Variants in DCC observed in about 807,000 individuals in gnomAD.
DCC encodes netrin receptor DCC.
In DCC, 58 loss-of-function variants were observed where a neutral mutation model predicts 172.5. The observed-to-expected ratio is 0.34, with a 90% confidence interval of 0.27 to 0.42. The LOEUF is 0.42. DCC is among the 10% of genes least tolerant of loss of function. The probability of loss-of-function intolerance (pLI) is 1.00; values close to 1 mark genes in which losing one functional copy is unlikely to be tolerated. For missense variants in DCC, 1,740 were observed against 1,791.0 expected (o/e 0.97, Z 0.51); for synonymous variants, 709 against 644.5 (o/e 1.10, Z -1.52).
At chr18:52,868,027 A>ATG (rs35361097) in intron 2 of DCC, among the ~76,000 whole-genome samples, 13,953 of 119,134 alleles carry the variant, frequency 0.12, 793 homozygotes, top group Non-Finnish European at 0.16. Context: ...TAATATGTGT[A>ATG]TGTGTGTATA....
intron 1 of DCC, among the ~76,000 whole-genome samples, chr18:52,666,827 T>C (rs2035465780): frequency 6.6e-6 from 1 of 152,238 alleles, no homozygotes; most frequent in Admixed American, 6.5e-5. Context: ...TTACCTCTGC[T>C]TATAATTTGA....
chr18:53,137,466 T>A (rs865781637), intron 7 of DCC, among the ~76,000 whole-genome samples: 8 of 152,352 alleles, frequency 5.3e-5, no homozygotes, highest in Middle Eastern at 3.4e-3. Flanking sequence ...TTCTTTGGGA[T>A]CAGCAGAAGC....
chr18:52,709,947 C>A (rs776173004), intron 1 of DCC, among the ~76,000 whole-genome samples: 1 of 152,098 alleles, frequency 6.6e-6, no homozygotes, highest in Non-Finnish European at 1.5e-5. Flanking sequence ...AGAAACAATG[C>A]ATTTGTTGTC....
At chr18:52,923,496 C>A (rs1425317771) in intron 3 of DCC, among the ~76,000 whole-genome samples, 1 of 152,072 alleles carries the variant, frequency 6.6e-6, no homozygotes. Flanking sequence ...CAAGCTGATG[C>A]CCTATACCAT....
intron 1 of DCC, chr18:52,409,134 A>T (rs1039136085): frequency 6.6e-6 from 1 of 152,152 alleles, no homozygotes; most frequent in South Asian, 2.1e-4. Flanking sequence ...TTACAACAGC[A>T]GTTCGTACAT....
intron 1 of DCC, among the ~76,000 whole-genome samples, chr18:52,663,436 G>T (rs2035401316): frequency 6.6e-6 from 1 of 152,142 alleles, no homozygotes; most frequent in South Asian, 2.1e-4. Context: ...GTGGCTCCAG[G>T]AGGAGTGTTG....
At chr18:52,343,405 A>G (rs1446146289) in intron 1 of DCC, among the ~76,000 whole-genome samples, 3 of 152,214 alleles carry the variant, frequency 2.0e-5, no homozygotes, top group Non-Finnish European at 4.4e-5. Flanking sequence ...AGACTAGCAC[A>G]ATAGCACTGG....
In DCC at chr18:53,023,401, C is replaced by CAAAAAAA. The variant is rs869070422; in HGVS notation, c.986-39882_986-39876dup. Among the ~76,000 whole-genome samples the CAAAAAAA allele has an allele frequency of 5.1e-3, 125 of 24,404 alleles. 21 individuals carry two copies. The highest frequency in any genetic ancestry group is 8.0e-3 in the East Asian group (4 of 502). The allele number at this position is 24,404 out of a possible 152,430, so 16.0% of individuals were successfully genotyped here. A position where few individuals can be genotyped will look rare whatever the true frequency, so the allele number is the denominator to read the frequency against. On this transcript the variant is annotated intron_variant, in intron 5 of 28. Transcript: ENST00000442544. Reference sequence around the variant, plus strand: ...GGACAAACACATATATAACTCAGACCAAAAAAAAAAAAAAAAAAAAAAAAA... The same window carrying CAAAAAAA: ...GGACAAACACATATATAACTCAGACCAAAAAAAAAAAAAAAAAAAAAAAAAAAAAAAA...
chr18:53,401,342 T>G lies in DCC; in HGVS notation c.2828-1444T>G, dbSNP rs1193370820. ...TCTCCATCCATCCCTTCTTCTTTTT[T>G]GAAAATGTGAATATATTAAGTACAT... On this transcript the variant is annotated intron_variant, in intron 18 of 28. Coordinates refer to ENST00000442544, the MANE Select transcript of DCC (RefSeq NM_005215.4). Among the ~76,000 whole-genome samples the G allele has an allele frequency of 3.9e-5, 6 of 152,192 alleles. 1 individual carries two copies. The highest frequency in any genetic ancestry group is 3.9e-4 in the Admixed American group (6 of 15,282).
intron 2 of DCC, among the ~76,000 whole-genome samples, chr18:52,837,609 T>C (rs1052374967): frequency 6.6e-6 from 1 of 152,200 alleles, no homozygotes; most frequent in African/African-American, 2.4e-5. Context: ...GTCAGCATTT[T>C]GGTCAAAGCC....
chr18:53,250,300 A>G lies in DCC; in HGVS notation c.1911+34703A>G, dbSNP rs541298512. 6.6e-5 allele frequency among the ~76,000 whole-genome samples: 10 copies of G among 152,096 alleles called. No individual in the cohort carries two copies. The South Asian group carries it at 2.1e-3, about 32-fold the overall frequency. Reference sequence around the variant, plus strand: ...TTTACCATGAAAGCTTCCATTTCAGATTAAAAACTAATTTAAAAAAATGAG... The same window carrying G: ...TTTACCATGAAAGCTTCCATTTCAGGTTAAAAACTAATTTAAAAAAATGAG... On this transcript the variant is annotated intron_variant, in intron 12 of 28. Coordinates refer to ENST00000442544, the MANE Select transcript of DCC (RefSeq NM_005215.4).
At chr18:52,732,900 T>A (rs968451422) in intron 1 of DCC, among the ~76,000 whole-genome samples, 1 of 152,184 alleles carries the variant, frequency 6.6e-6, no homozygotes, top group Admixed American at 6.6e-5. Flanking sequence ...AGTAGTTACG[T>A]TCATGCTGTC....
At chr18:52,342,043 C>T (rs1220641036) in intron 1 of DCC, among the ~76,000 whole-genome samples, 1 of 152,196 alleles carries the variant, frequency 6.6e-6, no homozygotes, top group Non-Finnish European at 1.5e-5. Flanking sequence ...GAGTCCGCAG[C>T]TCCGGCTTTC....
chr18:52,873,436 G>A (rs1352654122), intron 2 of DCC, among the ~76,000 whole-genome samples: 1 of 152,158 alleles, frequency 6.6e-6, no homozygotes, highest in Non-Finnish European at 1.5e-5. Flanking sequence ...ACATGAAAAT[G>A]GACTGTTATT....
At chr18:53,163,122 T>C (rs1274202916) in intron 8 of DCC, among the ~76,000 whole-genome samples, 1 of 152,226 alleles carries the variant, frequency 6.6e-6, no homozygotes, top group Non-Finnish European at 1.5e-5. Context: ...TGAGTACGTG[T>C]GTATTTCTTT....
chr18:52,806,369 T>C (rs12967485), intron 2 of DCC, among the ~76,000 whole-genome samples: 89,042 of 152,148 alleles, frequency 0.59, 29,728 homozygotes, highest in East Asian at 0.94. Flanking sequence ...TAGTGTTCAC[T>C]GTTGGTGAGT....
intron 2 of DCC, among the ~76,000 whole-genome samples, chr18:52,806,102 C>T (rs1015660938): frequency 1.3e-5 from 2 of 152,146 alleles, no homozygotes; most frequent in East Asian, 1.9e-4. Flanking sequence ...TTAGATAATA[C>T]CGGCTTGAAT....
chr18:53,130,246 C>G (rs1314180460), intron 7 of DCC, among the ~76,000 whole-genome samples: 2 of 151,874 alleles, frequency 1.3e-5, no homozygotes, highest in African/African-American at 4.8e-5. Context: ...ACCAGGTGAC[C>G]ATCTGGCTTT....
At chr18:53,199,992 C>T (rs1309436008) in intron 9 of DCC, among the ~76,000 whole-genome samples, 1 of 152,158 alleles carries the variant, frequency 6.6e-6, no homozygotes, top group Non-Finnish European at 1.5e-5. Context: ...AACAAAAAGG[C>T]AGTTGGAAAC....
Sources: allele counts gnomAD v4.1 joint callset (sites outside exome capture counted in the v4.1 genomes callset), GRCh38; gene constraint gnomAD v4.1.1; transcripts MANE v1.5; gene names NCBI Gene and HGNC (gene_info 2026-07-23, HGNC 2026-07-21).